The following SYT7 variants were observed in gnomAD, a reference collection of about 807,000 sequenced individuals.
SYT7 encodes the protein synaptotagmin 7.
In SYT7, 29 loss-of-function variants were observed where a neutral mutation model predicts 75.1. The observed-to-expected ratio is 0.39, with a 90% CI of 0.29 to 0.53. The LOEUF is 0.53. Among genes scored for constraint, SYT7 ranks in the 20% least tolerant of loss-of-function variants. The pLI, the probability that SYT7 is intolerant of heterozygous loss-of-function variation, is 0.77. For synonymous variants in SYT7, 376 were observed against 401.7 expected (o/e 0.94, Z 0.76); for missense variants, 693 against 953.2 (o/e 0.73, Z 3.59).
intron 1 of SYT7, among the ~76,000 whole-genome samples, chr11:61,560,970 G>T (rs1226460901): frequency 6.6e-6 from 1 of 152,160 alleles, no homozygotes; most frequent in African/African-American, 2.4e-5. Context: ...CTCCAGAGCT[G>T]CCAGGAACGA....
intron 2 of SYT7, among the ~76,000 whole-genome samples, chr11:61,554,610 T>C (rs2063442568): frequency 6.6e-6 from 1 of 152,050 alleles, no homozygotes; most frequent in African/African-American, 2.4e-5. Flanking sequence ...CAAGACAGCC[T>C]AAGGGGCCCT....
chr11:61,568,433 A>G (rs2063833805), intron 1 of SYT7, among the ~76,000 whole-genome samples: 1 of 152,210 alleles, frequency 6.6e-6, no homozygotes. Flanking sequence ...CACTTACTGT[A>G]TGCCAAGCAC....
At chr11:61,581,293 C>T (rs2064266397), upstream of SYT7, 1 of 149,280 alleles carries the variant, frequency 6.7e-6, no homozygotes, top group Non-Finnish European at 1.5e-5. Flanking sequence ...CCGCGCCCCG[C>T]CCGCCTCGCA....
intron 12 of SYT7, among the ~76,000 whole-genome samples, chr11:61,519,914 A>G (rs2924438): frequency 0.18 from 28,009 of 152,074 alleles, 6,496 homozygotes; most frequent in African/African-American, 0.55. Context: ...TCCGCCTCCC[A>G]GGTTCATGTG....
intron 7 of SYT7, among the ~76,000 whole-genome samples, chr11:61,535,855 G>A (rs1019773037): frequency 1.3e-5 from 2 of 152,174 alleles, no homozygotes; most frequent in Non-Finnish European, 2.9e-5. Flanking sequence ...GGAAAGGTGG[G>A]GCTGGGGGCA....
At chr11:61,534,925 G>A (rs1357179144) in intron 7 of SYT7, among the ~76,000 whole-genome samples, 1 of 152,220 alleles carries the variant, frequency 6.6e-6, no homozygotes, top group Non-Finnish European at 1.5e-5. Context: ...AGCTGGAGAG[G>A]TAAAGTCAGG....
intron 3 of SYT7, among the ~76,000 whole-genome samples, chr11:61,549,474 C>T (rs556572081): frequency 6.6e-6 from 1 of 152,300 alleles, no homozygotes; most frequent in African/African-American, 2.4e-5. Context: ...AGGGCCCTGA[C>T]GAACACAGTT....
At chr11:61,566,683 G>A (rs2063777514) in intron 1 of SYT7, among the ~76,000 whole-genome samples, 1 of 152,186 alleles carries the variant, frequency 6.6e-6, no homozygotes, top group Non-Finnish European at 1.5e-5. Context: ...GCAGAGGCAG[G>A]ATCAGGGACG....
chr11:61,546,155 C>G lies in SYT7; in HGVS notation c.448G>C (p.Gly150Arg). The change falls in exon 5 of 13, where the codon GGA (glycine) becomes CGA (arginine). Residue 150 changes from glycine to arginine, a missense_variant. Physicochemically the swap from Gly to Arg is moderately radical, Grantham distance 125. This residue lies in a region of SYT7 where 487 missense variants were observed against 593.2 expected (regional missense o/e 0.82). Transcript: ENST00000539008. The surrounding 1 kb of genome is among the most constrained non-coding windows in gnomAD (Gnocchi z 7.6). The stretch of plus-strand genomic sequence containing the variant: ...CCGCCGCTTCTCAAGGCGTCCTCTC[C>G]GGGTGGCGGCACCGGTGCCGGCTTC... The part of the protein sequence containing the change: ...GEKPAPVPPP[G>R]EDALRSGGAA... 1 of 1,526,410 alleles carries G rather than the reference C, an allele frequency of 6.6e-7. No individual in the cohort carries two copies. The highest frequency in any genetic ancestry group is 8.7e-7 in the Non-Finnish European group (1 of 1,142,926). The allele number at this position is 1,526,410 out of a possible 1,614,324, so 94.6% of individuals were successfully genotyped here.
chr11:61,540,798 C>T (rs538065374), intron 6 of SYT7: 1 of 985,470 alleles, frequency 1.0e-6, no homozygotes, highest in African/African-American at 1.7e-5. Flanking sequence ...CTGTTCAAGC[C>T]ACGCAGACCC....
At chr11:61,522,337 C>T (rs1193480158) in intron 12 of SYT7, among the ~76,000 whole-genome samples, 3 of 151,662 alleles carry the variant, frequency 2.0e-5, no homozygotes, top group East Asian at 3.9e-4. Flanking sequence ...TTACAGGCAC[C>T]CGCCACCATG....
Position 61,516,889 on chromosome 11 carries a change from G to A in SYT7, c.*1738C>T. 1 of 196,072 alleles carries A rather than the reference G, an allele frequency of 5.1e-6. No individual in the cohort carries two copies. The highest frequency in any genetic ancestry group is 1.2e-4 in the East Asian group (1 of 8,494). 12.1% of individuals were successfully genotyped at this position (196,072 alleles called of 1,614,324 possible). ...ATTTAATTTCAGAAAATTTCGGTATGGGCAAAAGGCGACCCGTCTACTGCA... is the reference window on the plus strand; with the variant it reads ...ATTTAATTTCAGAAAATTTCGGTATAGGCAAAAGGCGACCCGTCTACTGCA... On this transcript the variant is annotated 3_prime_UTR_variant, in exon 13 of 13. Transcript: ENST00000539008. This position sits in a 1 kb window ranked among gnomAD's most constrained non-coding sequence, Gnocchi z 4.6.
At chr11:61,548,194 G>C (rs774382241) in intron 3 of SYT7, among the ~76,000 whole-genome samples, 1 of 152,216 alleles carries the variant, frequency 6.6e-6, no homozygotes, top group South Asian at 2.1e-4. Flanking sequence ...GGGGCCCCTC[G>C]GTCCTTTGTT....
chr11:61,576,706 G>T lies in SYT7; in HGVS notation c.31+4084C>A, dbSNP rs2064089517. ...ATTCAAAGTCCGTGAGAGAATAGGGGGTGGGTGGGGAGTAGGATGGGGGGA... is the reference window on the plus strand; with the variant it reads ...ATTCAAAGTCCGTGAGAGAATAGGGTGTGGGTGGGGAGTAGGATGGGGGGA... On this transcript the variant is annotated intron_variant, in intron 1 of 12. Transcript: ENST00000539008. This position sits in a 1 kb window ranked among gnomAD's most constrained non-coding sequence, Gnocchi z 4.1. Among the ~76,000 whole-genome samples, 1 of 151,962 alleles carries T rather than the reference G, an allele frequency of 6.6e-6. No individual in the cohort carries two copies. Among genetic ancestry groups the T allele is most frequent in the African/African-American group, 2.4e-5 (1 of 41,370 alleles).
At chr11:61,522,187 C>CTA (rs1756182155) in intron 12 of SYT7, among the ~76,000 whole-genome samples, 1 of 114,276 alleles carries the variant, frequency 8.8e-6, no homozygotes, top group East Asian at 2.5e-4. Flanking sequence ...GAAGAGATCA[C>CTA]TTTTTTTTTT....
At chr11:61,577,839 T>G (rs1005854587) in intron 1 of SYT7, among the ~76,000 whole-genome samples, 2 of 152,176 alleles carry the variant, frequency 1.3e-5, no homozygotes, top group Non-Finnish European at 2.9e-5. Context: ...CTCTCTGGCC[T>G]TGCTTACCAG....
chr11:61,551,326 C>T lies in SYT7; in HGVS notation c.215+58G>A. 1 of 1,530,036 alleles carries T rather than the reference C, an allele frequency of 6.5e-7. No homozygotes were observed. Among genetic ancestry groups the T allele is most frequent in the Non-Finnish European group, 9.0e-7 (1 of 1,107,448 alleles). The allele number at this position is 1,530,036 out of a possible 1,614,324, so 94.8% of individuals were successfully genotyped here. On this transcript the variant is annotated intron_variant, in intron 3 of 12. Coordinates refer to ENST00000539008, the MANE Select transcript of SYT7 (RefSeq NM_001365809.2). The surrounding 1 kb of genome is among the most constrained non-coding windows in gnomAD (Gnocchi z 5.3). ...CTGTGGGGCTGGGGGAGAGAAGGGG[C>T]TCCTCCCACCTGGGCTGCTTGTGTG...
At chr11:61,570,568 A>G (rs1325576455) in intron 1 of SYT7, among the ~76,000 whole-genome samples, 1 of 152,192 alleles carries the variant, frequency 6.6e-6, no homozygotes. Context: ...GGCCAAGTCC[A>G]CACAGCTAGC....
At position 61,551,004 on chromosome 11, in the gene SYT7, C is replaced by T. The variant is rs954711026; in HGVS notation, c.215+380G>A. Among the ~76,000 whole-genome samples, 65 of 152,272 alleles carry T rather than the reference C, an allele frequency of 4.3e-4. No individual in the cohort carries two copies. The highest frequency in any genetic ancestry group is 1.4e-3 in the African/African-American group (58 of 41,564). ...GCTGGGGCCCACTAGGGAGGGGCCT[C>T]CCCGGCCTAGCAGCAGGGGCCCCAT... On this transcript the variant is annotated intron_variant, in intron 3 of 12. Coordinates refer to ENST00000539008, the MANE Select transcript of SYT7 (RefSeq NM_001365809.2). The surrounding 1 kb of genome is among the most constrained non-coding windows in gnomAD (Gnocchi z 5.3).
Sources: gnomAD v4.1 joint callset for allele counts (sites outside exome capture counted in the v4.1 genomes callset) on GRCh38, gnomAD v4.1.1 for gene constraint, gnomAD v4.1.1 regional missense constraint, Gnocchi (gnomAD v3.1) non-coding constraint, MANE v1.5 for transcripts, NCBI Gene and HGNC (gene_info 2026-07-23, HGNC 2026-07-21) for gene names.